Variants in GALNTL6 observed in about 807,000 individuals in gnomAD.
The protein encoded by GALNTL6 is polypeptide N-acetylgalactosaminyltransferase-like 6.
GALNTL6 carries 46 observed loss-of-function variants against 73.7 expected under a neutral mutation model. The observed-to-expected ratio is 0.62, with a 90% CI of 0.49 to 0.80. The LOEUF (loss-of-function observed/expected upper bound fraction) is 0.80. GALNTL6 is among the 30% of genes least tolerant of loss of function. GALNTL6 has a pLI of 0.00. For synonymous variants in GALNTL6, 259 were observed against 263.7 expected (o/e 0.98, Z 0.17); for missense variants, 604 against 755.0 (o/e 0.80, Z 2.34).
At chr4:171,880,205 C>G (rs1340526858) in intron 2 of GALNTL6, among the ~76,000 whole-genome samples, 1 of 152,192 alleles carries the variant, frequency 6.6e-6, no homozygotes, top group Non-Finnish European at 1.5e-5. Flanking sequence ...TGAACCTCCT[C>G]TTGTTCAGCC....
intron 8 of GALNTL6, among the ~76,000 whole-genome samples, chr4:172,927,225 T>C (rs140625640): frequency 9.2e-5 from 14 of 152,336 alleles, no homozygotes; most frequent in Admixed American, 3.9e-4. Context: ...ATCACTTCCA[T>C]TTGCATTTCA....
At chr4:172,437,110 C>T (rs1341741519) in intron 5 of GALNTL6, among the ~76,000 whole-genome samples, 1 of 152,088 alleles carries the variant, frequency 6.6e-6, no homozygotes, top group Non-Finnish European at 1.5e-5. Context: ...TGTGCCTTTC[C>T]AGTCAATATA....
intron 5 of GALNTL6, among the ~76,000 whole-genome samples, chr4:172,460,785 C>T (rs1311914269): frequency 6.6e-6 from 1 of 152,132 alleles, no homozygotes; most frequent in African/African-American, 2.4e-5. Flanking sequence ...TAAATTAGTT[C>T]AACTATTGTG....
At chr4:172,863,697 G>A (rs1744513208) in intron 7 of GALNTL6, among the ~76,000 whole-genome samples, 1 of 152,118 alleles carries the variant, frequency 6.6e-6, no homozygotes, top group African/African-American at 2.4e-5. Flanking sequence ...GTGTACTTTT[G>A]AGTTAATGCT....
At chr4:172,439,172 T>TCA (rs57281407) in intron 5 of GALNTL6, among the ~76,000 whole-genome samples, 11,279 of 145,574 alleles carry the variant, frequency 0.077, 507 homozygotes, top group Middle Eastern at 0.15. Context: ...TCTCTCCCCT[T>TCA]CACACACACA....
intron 5 of GALNTL6, among the ~76,000 whole-genome samples, chr4:172,515,684 G>C (rs1316595237): frequency 6.6e-6 from 1 of 152,200 alleles, no homozygotes; most frequent in East Asian, 1.9e-4. Context: ...GGGCAAGGTG[G>C]AGAGGCCTTT....
intron 3 of GALNTL6, among the ~76,000 whole-genome samples, chr4:172,299,283 G>T (rs1200819191): frequency 6.6e-6 from 1 of 152,030 alleles, no homozygotes; most frequent in African/African-American, 2.4e-5. Flanking sequence ...TCTTGCTAGT[G>T]GTCTATCAAT....
intron 2 of GALNTL6, among the ~76,000 whole-genome samples, chr4:171,905,169 T>G (rs1188764297): frequency 6.6e-6 from 1 of 152,072 alleles, no homozygotes; most frequent in African/African-American, 2.4e-5. Flanking sequence ...GTAAATGGAC[T>G]AAATGCTCCA....
intron 7 of GALNTL6, among the ~76,000 whole-genome samples, chr4:172,831,478 G>A (rs1385827469): frequency 3.9e-5 from 6 of 152,186 alleles, no homozygotes; most frequent in East Asian, 1.9e-4. Flanking sequence ...AAGCCTCAGC[G>A]AGGTGAGATT....
intron 5 of GALNTL6, among the ~76,000 whole-genome samples, chr4:172,433,875 A>G (rs1229277951): frequency 2.0e-5 from 3 of 152,082 alleles, no homozygotes; most frequent in Non-Finnish European, 4.4e-5. Context: ...TTTTAGAAAA[A>G]TTGTCCCAGT....
chr4:171,928,178 A>C (rs1037910721), intron 2 of GALNTL6, among the ~76,000 whole-genome samples: 6 of 152,220 alleles, frequency 3.9e-5, no homozygotes, highest in African/African-American at 1.4e-4. Flanking sequence ...ATAAAATATT[A>C]TATATGTGAG....
At chr4:172,451,101 C>G (rs1348748117) in intron 5 of GALNTL6, among the ~76,000 whole-genome samples, 3 of 152,142 alleles carry the variant, frequency 2.0e-5, no homozygotes, top group African/African-American at 7.2e-5. Context: ...AAACAGGTCT[C>G]TATTCTCTAT....
intron 5 of GALNTL6, among the ~76,000 whole-genome samples, chr4:172,600,374 A>G (rs1738012177): frequency 2.0e-5 from 3 of 152,180 alleles, no homozygotes; most frequent in Admixed American, 1.3e-4. Context: ...GCCTAGAGAC[A>G]TATTTAAAAC....
At chr4:172,798,811 G>T (rs1053760106) in intron 5 of GALNTL6, among the ~76,000 whole-genome samples, 2 of 152,140 alleles carry the variant, frequency 1.3e-5, no homozygotes, top group African/African-American at 2.4e-5. Context: ...TGAAATTTAT[G>T]AATGGGATTT....
At chr4:173,022,022 G>GGAAGGAAA (rs1468286864) in intron 12 of GALNTL6, among the ~76,000 whole-genome samples, 33 of 129,764 alleles carry the variant, frequency 2.5e-4, no homozygotes, top group African/African-American at 9.2e-4. Context: ...AGAAAAGGAA[G>GGAAGGAAA]GAAGGAAAGA....
intron 2 of GALNTL6, among the ~76,000 whole-genome samples, chr4:171,950,752 A>C (rs1263577722): frequency 6.6e-6 from 1 of 152,140 alleles, no homozygotes; most frequent in East Asian, 1.9e-4. Flanking sequence ...TGCTGGGATT[A>C]CATGTGTGAG....
chr4:171,819,000 T>A (rs1734611232), intron 2 of GALNTL6, among the ~76,000 whole-genome samples: 1 of 132,130 alleles, frequency 7.6e-6, no homozygotes, highest in Admixed American at 7.1e-5. Context: ...GTCTTAGGCA[T>A]TTTTTTTTTA....
chr4:172,691,958 G>C (rs2111260635), intron 5 of GALNTL6, among the ~76,000 whole-genome samples: 1 of 152,178 alleles, frequency 6.6e-6, no homozygotes, highest in East Asian at 1.9e-4. Context: ...ATATAGATAA[G>C]GATATGGTGA....
intron 2 of GALNTL6, among the ~76,000 whole-genome samples, chr4:171,985,678 A>C (rs781752262): frequency 2.6e-5 from 4 of 152,076 alleles, no homozygotes; most frequent in Non-Finnish European, 5.9e-5. Context: ...GAGAGATATA[A>C]AAAGCCTTTT....
Sources: gnomAD v4.1 joint callset for allele counts (sites outside exome capture counted in the v4.1 genomes callset) on GRCh38, gnomAD v4.1.1 for gene constraint, MANE v1.5 for transcripts, NCBI Gene and HGNC (gene_info 2026-07-23, HGNC 2026-07-21) for gene names.